The following FGF13 variants were observed in gnomAD, a reference collection of about 807,000 sequenced individuals.
FGF13 encodes fibroblast growth factor homologous factor 2.
FGF13 carries 2 observed loss-of-function variants against 19.5 expected under a neutral mutation model. The observed-to-expected ratio is 0.10, with a 90% confidence interval of 0.04 to 0.32. The LOEUF (loss-of-function observed/expected upper bound fraction) is 0.32. Ranked by LOEUF, FGF13 falls within the 10% of genes least tolerant of loss-of-function variation. The pLI, the probability that FGF13 is intolerant of heterozygous loss-of-function variation, is 1.00. For missense variants in FGF13, 113 were observed against 192.7 expected (o/e 0.59, Z 2.45); for synonymous variants, 72 against 76.9 (o/e 0.94, Z 0.33).
chrX:138,793,364 T>G (rs1424430662), intron 3 of FGF13, among the ~76,000 whole-genome samples: 1 of 111,573 alleles, frequency 9.0e-6, no homozygotes, highest in Non-Finnish European at 1.9e-5. Context: ...AAGAGGATAG[T>G]TCCATTTACC....
At chrX:138,978,833 T>G (rs2091951847) in intron 1 of FGF13, among the ~76,000 whole-genome samples, 1 of 111,717 alleles carries the variant, frequency 9.0e-6, no homozygotes. Flanking sequence ...TTTACAGGAT[T>G]TTGAGATAAT....
chrX:138,809,560 A>C (rs965390207), intron 3 of FGF13, among the ~76,000 whole-genome samples: 2 of 111,208 alleles, frequency 1.8e-5, no homozygotes, highest in African/African-American at 6.5e-5. Context: ...TTCTCTCACC[A>C]CTCCTATTCA....
At chrX:138,794,539 C>G (rs2090764047) in intron 3 of FGF13, among the ~76,000 whole-genome samples, 1 of 111,922 alleles carries the variant, frequency 8.9e-6, no homozygotes, top group South Asian at 3.7e-4. Flanking sequence ...GGCCTTACCT[C>G]CAGTCTGATC....
At chrX:139,174,829 T>A (rs777249697) in intron 1 of FGF13, among the ~76,000 whole-genome samples, 2 of 112,342 alleles carry the variant, frequency 1.8e-5, no homozygotes, top group African/African-American at 6.5e-5. Context: ...TCAGGTAGTG[T>A]GATGCCTCCA....
At chrX:139,151,260 T>C (rs759251137) in intron 1 of FGF13, among the ~76,000 whole-genome samples, 1 of 111,833 alleles carries the variant, frequency 8.9e-6, no homozygotes, top group East Asian at 2.8e-4. Flanking sequence ...ATACAAAATG[T>C]GTGCCAGATC....
At chrX:139,121,754 A>T (rs1040666487) in intron 1 of FGF13, among the ~76,000 whole-genome samples, 2 of 110,917 alleles carry the variant, frequency 1.8e-5, no homozygotes, top group Admixed American at 1.9e-4. Context: ...CTGTCAGAAG[A>T]AAGGGGTTTA....
intron 3 of FGF13, among the ~76,000 whole-genome samples, chrX:138,762,875 T>A: frequency 8.9e-6 from 1 of 112,012 alleles, no homozygotes. Context: ...TACATTTGGC[T>A]TGGATATGTG....
chrX:138,739,424 T>C (rs1475552528), upstream of FGF13: 2 of 434,334 alleles, frequency 4.6e-6, no homozygotes, highest in Non-Finnish European at 7.6e-6. Flanking sequence ...TATAGAGAGA[T>C]CATTAATGGG....
At chrX:139,133,132 A>T (rs2083773015) in intron 1 of FGF13, among the ~76,000 whole-genome samples, 1 of 110,785 alleles carries the variant, frequency 9.0e-6, no homozygotes, top group Non-Finnish European at 1.9e-5. Flanking sequence ...TAAAAGAGGG[A>T]CATATGTTCT....
At chrX:138,659,685 G>T (rs1042383955) in intron 3 of FGF13, among the ~76,000 whole-genome samples, 1 of 112,049 alleles carries the variant, frequency 8.9e-6, no homozygotes, top group Non-Finnish European at 1.9e-5. Flanking sequence ...TAGACTGGAT[G>T]AAGAAAATGT....
In FGF13 at chrX:139,147,293, A is replaced by G. The variant is rs747492109; in HGVS notation, c.-113+56123T>C. ...CAAGCAGCCTAGTGCTACAGGGCCTATTGGAAAAGTCGATTTCCTCCGTGT... is the reference window on the plus strand; with the variant it reads ...CAAGCAGCCTAGTGCTACAGGGCCTGTTGGAAAAGTCGATTTCCTCCGTGT... On this transcript the variant is annotated intron_variant, in intron 1 of 2. Transcript: ENST00000421460. Among the ~76,000 whole-genome samples the G allele has an allele frequency of 3.6e-5, 4 of 109,770 alleles. No individual in the cohort carries two copies. In the South Asian group the frequency reaches 1.6e-3, roughly 44 times the overall value.
Position 138,624,772 on chromosome X carries a change from G to A in FGF13, c.*8078C>T. ...ACCTGATCCTGGGGAGGTCAAGGCT[G>A]TGGTGAGACATGATCACACCACTGC... On this transcript the variant is annotated 3_prime_UTR_variant, in exon 5 of 5. Coordinates refer to ENST00000315930, the MANE Select transcript of FGF13 (RefSeq NM_004114.5). 1 of 111,326 alleles carries A rather than the reference G, an allele frequency of 9.0e-6. No individual in the cohort carries two copies. Among genetic ancestry groups the A allele is most frequent in the East Asian group, 2.8e-4 (1 of 3,513 alleles). 9.2% of individuals were successfully genotyped at this position (111,326 alleles called of 1,213,427 possible). A position where few individuals can be genotyped will look rare whatever the true frequency, so the allele number is the denominator to read the frequency against.
intron 1 of FGF13, among the ~76,000 whole-genome samples, chrX:138,984,328 A>G (rs1327777320): frequency 9.3e-6 from 1 of 107,557 alleles, no homozygotes; most frequent in Admixed American, 1.0e-4. Context: ...GAATCGCTTG[A>G]ACCCGGGAGG....
intron 1 of FGF13, among the ~76,000 whole-genome samples, chrX:139,016,950 T>C (rs1299943771): frequency 9.0e-6 from 1 of 111,101 alleles, no homozygotes; most frequent in African/African-American, 3.3e-5. Flanking sequence ...AATATTCATA[T>C]CCTTCCTTCA....
chrX:139,090,709 G>A (rs2083434516), intron 1 of FGF13, among the ~76,000 whole-genome samples: 1 of 110,668 alleles, frequency 9.0e-6, no homozygotes, highest in Middle Eastern at 4.6e-3. Context: ...GGAGGCTGGG[G>A]TGGGGCAGAT....
intron 1 of FGF13, among the ~76,000 whole-genome samples, chrX:139,005,623 AT>A (rs1157697657): frequency 9.1e-6 from 1 of 110,447 alleles, no homozygotes; most frequent in African/African-American, 3.3e-5. Flanking sequence ...AGAAAGAGAT[AT>A]GTGACCTTCT....
At chrX:138,720,826 A>G (rs1315105126) in intron 1 of FGF13, among the ~76,000 whole-genome samples, 1 of 112,040 alleles carries the variant, frequency 8.9e-6, no homozygotes, top group Admixed American at 9.5e-5. Flanking sequence ...TCTTCTTACT[A>G]GGCCATATTA....
chrX:139,199,307 C>A (rs185632370), intron 1 of FGF13, among the ~76,000 whole-genome samples: 2 of 109,293 alleles, frequency 1.8e-5, no homozygotes, highest in African/African-American at 7.0e-5. Context: ...ATGGTTTTTC[C>A]CCCCTCCTTC....
intron 1 of FGF13, among the ~76,000 whole-genome samples, chrX:138,942,853 T>G (rs143864506): frequency 0.032 from 3,620 of 111,758 alleles, 157 homozygotes; most frequent in African/African-American, 0.11. Context: ...TTGTTGTTTT[T>G]TTTGTTTGTT....
Sources: gnomAD v4.1 joint callset for allele counts (sites outside exome capture counted in the v4.1 genomes callset) on GRCh38, gnomAD v4.1.1 for gene constraint, MANE v1.5 for transcripts, NCBI Gene and HGNC (gene_info 2026-07-23, HGNC 2026-07-21) for gene names.